Variants in VCAM1 observed in about 807,000 individuals in gnomAD.
VCAM1 encodes the protein vascular cell adhesion molecule 1.
VCAM1 carries 41 observed loss-of-function variants against 63.8 expected under a neutral mutation model. The ratio of observed to expected loss-of-function variants is 0.64; its 90% CI spans 0.50 to 0.83. The LOEUF is 0.83. Ranked by LOEUF, VCAM1 falls within the 40% of genes least tolerant of loss-of-function variation. VCAM1 has a pLI of 0.00. For missense variants in VCAM1, 798 were observed against 875.5 expected, an observed-to-expected ratio of 0.91 and a Z score of 1.12; for synonymous variants, 338 against 320.7, an observed-to-expected ratio of 1.05 and a Z score of -0.58.
intron 4 of VCAM1, among the ~76,000 whole-genome samples, chr1:100,728,398 A>G (rs1378437337): frequency 3.3e-5 from 5 of 152,052 alleles, no homozygotes; most frequent in Non-Finnish European, 5.9e-5. Context: ...CACTGTGGGC[A>G]TTATATCTAA....
Position 100,734,616 on chromosome 1 carries a change from A to G in VCAM1, c.1907A>G (p.Lys636Arg). ...GTTCCAGAAACATGGATAATCCTGAAGAAAAAAGCGGAGACAGGAGACACA... is the reference window on the plus strand; with the variant it reads ...GTTCCAGAAACATGGATAATCCTGAGGAAAAAAGCGGAGACAGGAGACACA... ...GNVPETWIIL[K>R]KKAETGDTVL... is the part of the protein sequence containing the mutation. The change falls in exon 8 of 9, where the codon AAG becomes AGG. Residue 636 changes from lysine (K) to arginine (R), a missense_variant. Physicochemically the swap from Lys to Arg is conservative, Grantham distance 26. Coordinates refer to ENST00000294728, the MANE Select transcript of VCAM1 (RefSeq NM_001078.4). The G allele has an allele frequency of 6.2e-7, 1 of 1,614,004 alleles. No homozygotes were observed. Among genetic ancestry groups the G allele is most frequent in the Non-Finnish European group, 8.5e-7 (1 of 1,179,924 alleles).
At chr1:100,721,463 A>T (rs1235298280) in intron 2 of VCAM1, among the ~76,000 whole-genome samples, 1 of 152,080 alleles carries the variant, frequency 6.6e-6, no homozygotes, top group Non-Finnish European at 1.5e-5. Context: ...CATTCAGCAA[A>T]CAAAGTTAGC....
At chr1:100,733,499 TA>T (rs1186984410) in intron 7 of VCAM1, among the ~76,000 whole-genome samples, 9 of 152,288 alleles carry the variant, frequency 5.9e-5, no homozygotes, top group Admixed American at 2.0e-4. Context: ...TACACATCCT[TA>T]AAAAACAGAC....
At chr1:100,733,115 CTT>C (rs113560240) in intron 7 of VCAM1, among the ~76,000 whole-genome samples, 3 of 152,316 alleles carry the variant, frequency 2.0e-5, no homozygotes, top group African/African-American at 7.2e-5. Context: ...GCACTTAAGT[CTT>C]TTGCAAATTC....
chr1:100,734,687 T>A lies in VCAM1; in HGVS notation c.1978T>A (p.Leu660Met), dbSNP rs772917955. The change falls in exon 8 of 9, where the codon TTG becomes ATG. Residue 660 changes from leucine (L) to methionine (M), a missense_variant. Transcript: ENST00000294728. ...CGCCTATACCATCCGAAAGGCCCAGTTGAAGGATGCGGGAGTATATGAATG... is the reference window on the plus strand; with the variant it reads ...CGCCTATACCATCCGAAAGGCCCAGATGAAGGATGCGGGAGTATATGAATG... Reference protein sequence around the residue: ...DGAYTIRKAQLKDAGVYECES... With the variant: ...DGAYTIRKAQMKDAGVYECES... 1 of 1,614,004 alleles carries A rather than the reference T, an allele frequency of 6.2e-7. No homozygotes were observed. Among genetic ancestry groups the A allele is most frequent in the South Asian group, 1.1e-5 (1 of 91,084 alleles).
At chr1:100,723,444 A>C in intron 3 of VCAM1, 104 bp downstream of exon 3, 1 of 1,161,476 alleles carries the variant, frequency 8.6e-7, no homozygotes, top group Non-Finnish European at 1.2e-6. Context: ...ACTTGTATAT[A>C]GTTTGTATTC....
rs1553219818 is a variant in VCAM1, at chr1:100,731,649, A to G, written c.1525+131A>G. ...AACGTTACTGAAAAGAAATTTCAAAATAATGATGATTGTAACAAATCACCC... is the reference window on the plus strand; with the variant it reads ...AACGTTACTGAAAAGAAATTTCAAAGTAATGATGATTGTAACAAATCACCC... On this transcript the variant is annotated intron_variant, in intron 6 of 8. Coordinates refer to ENST00000294728, the MANE Select transcript of VCAM1 (RefSeq NM_001078.4). The surrounding 1 kb of genome is among the most constrained non-coding windows in gnomAD (Gnocchi z 4.2). 6 of 846,446 alleles carry G rather than the reference A, an allele frequency of 7.1e-6. 1 individual carries two copies. Among genetic ancestry groups the G allele is most frequent in the Non-Finnish European group, 1.1e-5 (6 of 558,862 alleles). The allele number at this position is 846,446 out of a possible 1,614,324, so 52.4% of individuals were successfully genotyped here. A position where few individuals can be genotyped will look rare whatever the true frequency, so the allele number is the denominator to read the frequency against.
intron 4 of VCAM1, among the ~76,000 whole-genome samples, chr1:100,728,874 A>C (rs1451984188): frequency 1.3e-5 from 2 of 152,030 alleles, no homozygotes; most frequent in Non-Finnish European, 2.9e-5. Flanking sequence ...CTCTCTTGAC[A>C]AATTTTTATC....
intron 2 of VCAM1, among the ~76,000 whole-genome samples, chr1:100,720,980 TAA>T (rs1659934126): frequency 6.6e-6 from 1 of 152,078 alleles, no homozygotes; most frequent in Non-Finnish European, 1.5e-5. Flanking sequence ...TGACCATGTA[TAA>T]GACTCAACCT....
At position 100,731,111 on chromosome 1, in the gene VCAM1, A is replaced by G; in HGVS notation, c.1205-87A>G. 1.5e-6 allele frequency: 2 copies of G among 1,360,886 alleles called. No individual in the cohort carries two copies. The highest frequency in any genetic ancestry group is 2.8e-5 in the Admixed American group (1 of 36,298). The allele number at this position is 1,360,886 out of a possible 1,614,324, so 84.3% of individuals were successfully genotyped here. A position where few individuals can be genotyped will look rare whatever the true frequency, so the allele number is the denominator to read the frequency against. Reference sequence around the variant, plus strand: ...CTATCCCAGGTGACTTAAAGCTGTCATTTTTAGGCCTTTACATTTAATAAA... The same window carrying G: ...CTATCCCAGGTGACTTAAAGCTGTCGTTTTTAGGCCTTTACATTTAATAAA... On this transcript the variant is annotated intron_variant, in intron 5 of 8. Coordinates refer to ENST00000294728, the MANE Select transcript of VCAM1 (RefSeq NM_001078.4). This position sits in a 1 kb window ranked among gnomAD's most constrained non-coding sequence, Gnocchi z 4.2.
In VCAM1 at chr1:100,734,768, G is replaced by A; in HGVS notation, c.2059G>A (p.Gly687Arg). Residue 687 changes from glycine (G) to arginine (R), a missense_variant and splice_region_variant, in exon 8 of 9, where the codon GGA becomes AGA. Physicochemically the swap from Gly to Arg is moderately radical, Grantham distance 125 (BLOSUM62 -2). Coordinates refer to ENST00000294728, the MANE Select transcript of VCAM1 (RefSeq NM_001078.4). Reference protein sequence around the residue: ...QLRSLTLDVQGRENNKDYFSP... With the variant: ...QLRSLTLDVQRRENNKDYFSP... ...AAGAAGTTTAACACTTGATGTTCAA[G>A]GTGAGTTTGTTTTGAGTTTTTGTTT... 6.2e-7 allele frequency: 1 copy of A among 1,612,490 alleles called. No homozygotes were observed. The highest frequency in any genetic ancestry group is 1.1e-5 in the South Asian group (1 of 90,856).
chr1:100,724,871 G>T lies in VCAM1; in HGVS notation c.909G>T (p.Glu303Asp), dbSNP rs376072377. 2 of 1,612,404 alleles carry T rather than the reference G, an allele frequency of 1.2e-6. No individual in the cohort carries two copies. The highest frequency in any genetic ancestry group is 2.7e-5 in the African/African-American group (2 of 74,764). ...GVNLIGKNRK[E>D]VELIVQEKPF... ...ATTTGATTGGGAAAAACAGAAAAGA[G>T]GTGGAATTAATTGTTCAAGGTGAGT... Residue 303 changes from glutamate to aspartate, a missense_variant, in exon 4 of 9, where the codon GAG becomes GAT. Glu to Asp is a conservative substitution (Grantham distance 45). Coordinates refer to ENST00000294728, the MANE Select transcript of VCAM1 (RefSeq NM_001078.4).
chr1:100,723,802 C>T (rs1306383397), intron 3 of VCAM1, among the ~76,000 whole-genome samples: 1 of 151,968 alleles, frequency 6.6e-6, no homozygotes, highest in Non-Finnish European at 1.5e-5. Context: ...TACATAGGTG[C>T]ACTGGACAGG....
intron 1 of VCAM1, among the ~76,000 whole-genome samples, chr1:100,720,155 A>G (rs1659907490): frequency 6.6e-6 from 1 of 152,106 alleles, no homozygotes; most frequent in Non-Finnish European, 1.5e-5. Flanking sequence ...TCCAAAGGCA[A>G]TTGAGTAATT....
intron 7 of VCAM1, among the ~76,000 whole-genome samples, chr1:100,733,243 A>G (rs183783372): frequency 3.9e-4 from 59 of 152,348 alleles, no homozygotes; most frequent in African/African-American, 1.2e-3. Context: ...TGGAGACCCA[A>G]GATTGAGAAC....
chr1:100,738,075 T>C (rs776464197), intron 8 of VCAM1, 48 bp from the exon 9 acceptor site: 51 of 1,581,250 alleles, frequency 3.2e-5, no homozygotes, highest in African/African-American at 2.7e-5. Context: ...TATTAAATGC[T>C]ATCTTTTTGT....
chr1:100,720,342 A>C, intron 1 of VCAM1, 134 bp from the exon 2 acceptor site: 1 of 1,228,996 alleles, frequency 8.1e-7, no homozygotes, highest in Non-Finnish European at 1.1e-6. Context: ...CTTTTTGGCT[A>C]CCTTGCAGTT....
intron 5 of VCAM1, among the ~76,000 whole-genome samples, chr1:100,729,992 T>G (rs1433862579): frequency 6.6e-6 from 1 of 152,128 alleles, no homozygotes; most frequent in African/African-American, 2.4e-5. Flanking sequence ...TAATAAACAT[T>G]CTTTGCAACC....
intron 2 of VCAM1, 98 bp from the exon 3 acceptor site, chr1:100,722,922 C>A: frequency 7.3e-7 from 1 of 1,362,138 alleles, no homozygotes; most frequent in Non-Finnish European, 9.7e-7. Flanking sequence ...ACTGTATTAA[C>A]AAAAACGCTA....
Sources: allele counts gnomAD v4.1 joint callset (sites outside exome capture counted in the v4.1 genomes callset), GRCh38; gene constraint gnomAD v4.1.1; non-coding constraint Gnocchi (gnomAD v3.1); transcripts MANE v1.5; gene names NCBI Gene and HGNC (gene_info 2026-07-23, HGNC 2026-07-21).